HS3ST5: variants seen among roughly 807,000 people sequenced by gnomAD.
The protein encoded by HS3ST5 is heparan sulfate glucosamine 3-O-sulfotransferase 5.
Under a neutral mutation model 25.4 loss-of-function variants are expected in HS3ST5, and 10 were observed. The observed-to-expected ratio is 0.39, with a 90% CI of 0.24 to 0.67. The LOEUF is 0.67. Ranked by LOEUF, HS3ST5 falls within the 30% of genes least tolerant of loss-of-function variation. The pLI is 0.44. For synonymous variants in HS3ST5, 170 were observed against 162.4 expected (o/e 1.05, Z -0.36); for missense variants, 324 against 420.7 (o/e 0.77, Z 2.01).
chr6:114,252,832 G>C (rs576856152), intron 1 of HS3ST5, among the ~76,000 whole-genome samples: 3 of 152,268 alleles, frequency 2.0e-5, no homozygotes, highest in African/African-American at 7.2e-5. Context: ...CTATGCAAGA[G>C]AATTATAATG....
chr6:114,135,649 T>G (rs959928552), intron 3 of HS3ST5, among the ~76,000 whole-genome samples: 5 of 152,206 alleles, frequency 3.3e-5, no homozygotes, highest in African/African-American at 9.7e-5. Flanking sequence ...GATGTCATCT[T>G]TTTCTGTGAT....
chr6:114,279,718 T>C (rs543865757), intron 1 of HS3ST5, among the ~76,000 whole-genome samples: 1 of 152,058 alleles, frequency 6.6e-6, no homozygotes, highest in East Asian at 1.9e-4. Flanking sequence ...GTACCAGATA[T>C]AGGACATGTC....
intron 3 of HS3ST5, among the ~76,000 whole-genome samples, chr6:114,130,019 G>A (rs1054856688): frequency 3.9e-5 from 6 of 152,080 alleles, no homozygotes; most frequent in South Asian, 2.1e-4. Context: ...AAATTGAGGC[G>A]CACATGGGGT....
At chr6:114,140,802 A>G (rs1777867453) in intron 3 of HS3ST5, among the ~76,000 whole-genome samples, 1 of 152,244 alleles carries the variant, frequency 6.6e-6, no homozygotes, top group Non-Finnish European at 1.5e-5. Context: ...GAAGCAGTAC[A>G]GGGCAGAGGC....
chr6:114,101,513 A>G (rs1582601513), intron 3 of HS3ST5, among the ~76,000 whole-genome samples: 1 of 152,304 alleles, frequency 6.6e-6, no homozygotes, highest in East Asian at 1.9e-4. Context: ...GGGTATATCA[A>G]AAGCTCCAAA....
At chr6:114,272,734 G>A (rs1235271184) in intron 1 of HS3ST5, among the ~76,000 whole-genome samples, 1 of 152,072 alleles carries the variant, frequency 6.6e-6, no homozygotes, top group Admixed American at 6.6e-5. Context: ...AACACATGCA[G>A]GGCAGGGCAA....
At chr6:114,162,652 C>T (rs1240319920) in intron 3 of HS3ST5, among the ~76,000 whole-genome samples, 4 of 152,196 alleles carry the variant, frequency 2.6e-5, no homozygotes, top group Non-Finnish European at 5.9e-5. Flanking sequence ...CTGGCCTCAC[C>T]TCCTTTTCCA....
At chr6:114,240,036 C>T (rs539514189) in intron 1 of HS3ST5, among the ~76,000 whole-genome samples, 3 of 114,844 alleles carry the variant, frequency 2.6e-5, no homozygotes. Context: ...ACACACACAC[C>T]GCTTACTCTC....
At position 114,175,036 on chromosome 6, in the gene HS3ST5, G is replaced by A. The variant is rs1779663862; in HGVS notation, c.-144-6574C>T. Among the ~76,000 whole-genome samples the A allele has an allele frequency of 3.9e-5, 6 of 152,234 alleles. No individual in the cohort carries two copies. In the South Asian group the frequency reaches 1.2e-3, roughly 32 times the overall value. Reference sequence around the variant, plus strand: ...AAGGTAGATAATAGGAGCATTGAAGGATGTTAAGCTCTGGAATGCCATGCT... The same window carrying A: ...AAGGTAGATAATAGGAGCATTGAAGAATGTTAAGCTCTGGAATGCCATGCT... On this transcript the variant is annotated intron_variant, in intron 2 of 4. Transcript: ENST00000312719.
chr6:114,288,008 T>C (rs6900177), intron 1 of HS3ST5, among the ~76,000 whole-genome samples: 8,600 of 152,054 alleles, frequency 0.057, 814 homozygotes, highest in African/African-American at 0.19. Flanking sequence ...CACACACATA[T>C]CCACTCGCAT....
chr6:114,115,582 C>G (rs1390447419), intron 3 of HS3ST5, among the ~76,000 whole-genome samples: 2 of 152,040 alleles, frequency 1.3e-5, no homozygotes, highest in Non-Finnish European at 2.9e-5. Flanking sequence ...TGCTCTTTCC[C>G]TTATACACAA....
At chr6:114,228,286 T>C (rs1771407750) in intron 2 of HS3ST5, among the ~76,000 whole-genome samples, 1 of 152,150 alleles carries the variant, frequency 6.6e-6, no homozygotes, top group Non-Finnish European at 1.5e-5. Flanking sequence ...GTGACTCCTA[T>C]GCACATTAAA....
At chr6:114,063,932 AC>A (rs1310630254) in intron 3 of HS3ST5, among the ~76,000 whole-genome samples, 9 of 152,320 alleles carry the variant, frequency 5.9e-5, no homozygotes, top group African/African-American at 2.2e-4. Context: ...AAAGAAGCTT[AC>A]CTGGAAGCTC....
chr6:114,122,430 G>A (rs978703298), intron 3 of HS3ST5, among the ~76,000 whole-genome samples: 1 of 152,180 alleles, frequency 6.6e-6, no homozygotes, highest in Admixed American at 6.5e-5. Flanking sequence ...CTAAGTTTCA[G>A]AACTCCCAGG....
chr6:114,283,497 T>C (rs1018964218), intron 1 of HS3ST5, among the ~76,000 whole-genome samples: 3 of 151,936 alleles, frequency 2.0e-5, no homozygotes, highest in African/African-American at 7.2e-5. Context: ...ATTTTTGCTA[T>C]TATTATTTTT....
At chr6:114,325,787 C>A (rs1486583272) in intron 1 of HS3ST5, among the ~76,000 whole-genome samples, 1 of 152,068 alleles carries the variant, frequency 6.6e-6, no homozygotes, top group Non-Finnish European at 1.5e-5. Context: ...AAGGTTTACC[C>A]CCTCCTGGAA....
intron 3 of HS3ST5, among the ~76,000 whole-genome samples, chr6:114,157,518 G>A (rs1778755266): frequency 6.6e-6 from 1 of 152,134 alleles, no homozygotes; most frequent in Non-Finnish European, 1.5e-5. Context: ...ACACAGTGTG[G>A]TGACTATGGT....
At chr6:114,106,011 G>A (rs928650403) in intron 3 of HS3ST5, among the ~76,000 whole-genome samples, 2 of 152,022 alleles carry the variant, frequency 1.3e-5, no homozygotes, top group Non-Finnish European at 2.9e-5. Context: ...TTTCGATTTG[G>A]GCTCAACAAA....
chr6:114,264,798 T>G (rs1472582875), intron 1 of HS3ST5, among the ~76,000 whole-genome samples: 1 of 152,166 alleles, frequency 6.6e-6, no homozygotes, highest in Non-Finnish European at 1.5e-5. Context: ...GAGAAGAGTT[T>G]CCAGGGAAAA....
Sources: allele counts gnomAD v4.1 joint callset (sites outside exome capture counted in the v4.1 genomes callset), GRCh38; gene constraint gnomAD v4.1.1; transcripts MANE v1.5; gene names NCBI Gene and HGNC (gene_info 2026-07-23, HGNC 2026-07-21).